Variants in TMEM87B observed in about 807,000 individuals in gnomAD.
The protein encoded by TMEM87B is transmembrane protein 87B.
A neutral mutation model predicts 80.3 loss-of-function variants in TMEM87B; 83 were observed. The ratio of observed to expected loss-of-function variants is 1.03; its 90% CI spans 0.87 to 1.24. The LOEUF is 1.24. Ranked by LOEUF, TMEM87B falls within the 50% of genes most tolerant of loss-of-function variation. The pLI, the probability that TMEM87B is intolerant of heterozygous loss-of-function variation, is 0.00. For missense variants in TMEM87B, 625 were observed against 674.4 expected (o/e 0.93, Z 0.81); for synonymous variants, 219 against 230.5 (o/e 0.95, Z 0.45).
chr2:112,096,905 C>A, intron 11 of TMEM87B, 139 bp from the exon 12 acceptor site: 1 of 625,320 alleles, frequency 1.6e-6, no homozygotes, highest in Non-Finnish European at 2.8e-6. Context: ...GCCAAGATAA[C>A]ATTTTCTGTG....
Position 112,073,994 on chromosome 2 carries a change from T to C in TMEM87B, c.451-918T>C, listed in dbSNP as rs190390220. On this transcript the variant is annotated intron_variant, in intron 4 of 18. Transcript: ENST00000283206. ...TTTTGAGCCTGTGGGTGTCGTTATATGTGAGATGAGTCTCTTGAAGACAGC... is the reference window on the plus strand; with the variant it reads ...TTTTGAGCCTGTGGGTGTCGTTATACGTGAGATGAGTCTCTTGAAGACAGC... Among the ~76,000 whole-genome samples the C allele has an allele frequency of 8.4e-4, 128 of 152,356 alleles. 1 individual carries two copies. Among genetic ancestry groups the C allele is most frequent in the Non-Finnish European group, 2.1e-4 (14 of 68,028 alleles).
At chr2:112,059,878 G>C in intron 1 of TMEM87B, 99 bp from the exon 2 acceptor site, 1 of 1,400,000 alleles carries the variant, frequency 7.1e-7, no homozygotes, top group Non-Finnish European at 9.5e-7. Context: ...TCTTGTCAGA[G>C]AGAGGAGTGC....
Position 112,098,599 on chromosome 2 carries a change from G to A in TMEM87B, c.1277G>A (p.Trp426Ter). The change falls in exon 14 of 19, where the codon TGG becomes TAG. Residue 426 changes from tryptophan (W) to a stop codon, truncating the protein, a stop_gained. Transcript: ENST00000283206. LOFTEE classifies it high-confidence loss of function. ...CTTGAATTGTCCTTCTTTTAGGATT[G>A]GATGGAACGCTGGGTTGACGATGCA... ...TFRIAKCQSD[W>*]MERWVDDAFW... 2 of 1,614,012 alleles carry A rather than the reference G, an allele frequency of 1.2e-6. No individual in the cohort carries two copies. Among genetic ancestry groups the A allele is most frequent in the Non-Finnish European group, 8.5e-7 (1 of 1,179,950 alleles).
rs1266217274 is a variant in TMEM87B at position 112,077,261 on chromosome 2, G to T, written c.571G>T (p.Asp191Tyr). 2.5e-6 allele frequency: 4 copies of T among 1,585,850 alleles called. 1 individual carries two copies. The Middle Eastern group carries it at 6.7e-4, about 264-fold the overall frequency. Residue 191 changes from aspartate (D) to tyrosine (Y), a missense_variant, in exon 6 of 19, where the codon GAT becomes TAT. Asp to Tyr is a radical substitution (Grantham distance 160). Coordinates refer to ENST00000283206, the MANE Select transcript of TMEM87B (RefSeq NM_032824.3). ...FIVSIKTENT[D>Y]ASWNLNVSLS... ...TGTTTCTATTAAAACGGAGAATACA[G>T]ATGCAAGCTGGAATTTGAATGGTAT... is the stretch of plus-strand genomic sequence containing the variant.
intron 11 of TMEM87B, chr2:112,095,267 C>T (rs1425877894): frequency 2.1e-6 from 2 of 962,344 alleles, no homozygotes; most frequent in Admixed American, 8.3e-5. Context: ...CAGCCTCCCC[C>T]TCTCTCTCCT....
At chr2:112,105,706 A>G (rs1354271083) in intron 15 of TMEM87B, among the ~76,000 whole-genome samples, 1 of 152,246 alleles carries the variant, frequency 6.6e-6, no homozygotes, top group African/African-American at 2.4e-5. Context: ...ACTTTAAAAT[A>G]ATTGCAATTA....
intron 4 of TMEM87B, among the ~76,000 whole-genome samples, chr2:112,074,022 A>G (rs1678737069): frequency 6.6e-6 from 1 of 152,138 alleles, no homozygotes; most frequent in African/African-American, 2.4e-5. Context: ...AAGACAGCAA[A>G]CCAATGAGTC....
At chr2:112,058,372 A>G (rs1678146344) in intron 1 of TMEM87B, among the ~76,000 whole-genome samples, 1 of 152,234 alleles carries the variant, frequency 6.6e-6, no homozygotes, top group Non-Finnish European at 1.5e-5. Flanking sequence ...AGCTAAGTTC[A>G]GGACTGGAGG....
intron 1 of TMEM87B, among the ~76,000 whole-genome samples, chr2:112,057,712 A>G (rs1351445849): frequency 6.6e-6 from 1 of 152,198 alleles, no homozygotes; most frequent in African/African-American, 2.4e-5. Flanking sequence ...ACACAATAAT[A>G]CGGATAACAG....
rs978793385 is a variant in TMEM87B, at chr2:112,069,213, A to C, written c.450+2146A>C. The stretch of plus-strand genomic sequence containing the variant: ...GACTCCGTCTCAAAAAAAAAAAAAA[A>C]AAAAAAAACTCATGTCACAGGAATT... On this transcript the variant is annotated intron_variant, in intron 4 of 18. Transcript: ENST00000283206. Among the ~76,000 whole-genome samples, 99 of 151,728 alleles carry C rather than the reference A, an allele frequency of 6.5e-4. 1 individual carries two copies. Among genetic ancestry groups the C allele is most frequent in the Non-Finnish European group, 1.1e-3 (77 of 67,870 alleles).
Position 112,098,644 on chromosome 2 carries a change from C to T in TMEM87B, c.1322C>T (p.Ser441Leu), listed in dbSNP as rs769088454. The change falls in exon 14 of 19, where the codon TCG (serine) becomes TTG (leucine). Residue 441 changes from serine (S) to leucine (L), a missense_variant. Transcript: ENST00000283206. Reference protein sequence around the residue: ...VDDAFWSFLFSLILIVIMFLW... With the variant: ...VDDAFWSFLFLLILIVIMFLW... ...GATGCATTTTGGAGCTTCCTTTTTTCGCTTATCCTTATTGTAATCATGTTT... is the reference window on the plus strand; with the variant it reads ...GATGCATTTTGGAGCTTCCTTTTTTTGCTTATCCTTATTGTAATCATGTTT... 107 of 1,613,904 alleles carry T rather than the reference C, an allele frequency of 6.6e-5. No homozygotes were observed. The highest frequency in any genetic ancestry group is 1.8e-4 in the East Asian group (8 of 44,874).
rs898030301 is a variant in TMEM87B at position 112,081,341 on chromosome 2, A to C, written c.661A>C (p.Met221Leu). 6.3e-7 allele frequency: 1 copy of C among 1,593,914 alleles called. No homozygotes were observed. Residue 221 changes from methionine (M) to leucine (L), a missense_variant, in exon 8 of 19, where the codon ATG becomes CTG. Met to Leu is a conservative substitution (Grantham distance 15). Coordinates refer to ENST00000283206, the MANE Select transcript of TMEM87B (RefSeq NM_032824.3). ...ASDWPLMIFY[M>L]VMCIVYILYG... is the part of the protein sequence containing the mutation. ...ATTGCTTCTCTTCCTACAGTTTTAC[A>C]TGGTGATGTGTATTGTTTATATATT...
chr2:112,059,360 A>C (rs1279089322), intron 1 of TMEM87B, among the ~76,000 whole-genome samples: 1 of 151,906 alleles, frequency 6.6e-6, no homozygotes, highest in Non-Finnish European at 1.5e-5. Flanking sequence ...TTCCTGCAGA[A>C]CGGGCTTTTG....
intron 4 of TMEM87B, among the ~76,000 whole-genome samples, chr2:112,072,333 G>A (rs1558833348): frequency 6.6e-6 from 1 of 152,112 alleles, no homozygotes; most frequent in African/African-American, 2.4e-5. Flanking sequence ...CAATTTTTTG[G>A]AATAGTTTCA....
At chr2:112,110,876 C>T (rs1047674494) in intron 17 of TMEM87B, among the ~76,000 whole-genome samples, 2 of 152,166 alleles carry the variant, frequency 1.3e-5, no homozygotes, top group African/African-American at 4.8e-5. Context: ...ATTTGAGCCC[C>T]TTCCGTGTAG....
rs112484888 is a variant in TMEM87B, at chr2:112,082,363, C to T, written c.838+845C>T. ...GCCTCGACCTCCAGGCCCAAATGATCTGCCCACCTCAGCCTCTGGAGTAGC... is the reference window on the plus strand; with the variant it reads ...GCCTCGACCTCCAGGCCCAAATGATTTGCCCACCTCAGCCTCTGGAGTAGC... On this transcript the variant is annotated intron_variant, in intron 8 of 18. Transcript: ENST00000283206. Among the ~76,000 whole-genome samples, 162 of 152,268 alleles carry T rather than the reference C, an allele frequency of 1.1e-3. 1 individual carries two copies. Among genetic ancestry groups the T allele is most frequent in the African/African-American group, 3.6e-3 (149 of 41,552 alleles).
intron 1 of TMEM87B, among the ~76,000 whole-genome samples, chr2:112,057,439 A>G (rs1386460123): frequency 6.6e-6 from 1 of 152,060 alleles, no homozygotes; most frequent in East Asian, 1.9e-4. Context: ...CACACCAGTT[A>G]ATTTTTAAAT....
At chr2:112,073,494 G>A (rs942346557) in intron 4 of TMEM87B, among the ~76,000 whole-genome samples, 2 of 152,126 alleles carry the variant, frequency 1.3e-5, no homozygotes, top group African/African-American at 2.4e-5. Flanking sequence ...GTTCTTTTGC[G>A]TTTTCTGAGC....
intron 16 of TMEM87B, among the ~76,000 whole-genome samples, chr2:112,107,222 G>T (rs990917202): frequency 6.6e-6 from 1 of 152,022 alleles, no homozygotes; most frequent in Non-Finnish European, 1.5e-5. Context: ...GGCGGATGTG[G>T]TGGCATGTGC....
Sources: gnomAD v4.1 joint callset for allele counts (sites outside exome capture counted in the v4.1 genomes callset) on GRCh38, gnomAD v4.1.1 for gene constraint, MANE v1.5 for transcripts, NCBI Gene and HGNC (gene_info 2026-07-23, HGNC 2026-07-21) for gene names.